Variants in WDR27 observed in about 807,000 individuals in gnomAD.
WDR27 encodes the protein WD repeat-containing protein 27.
A neutral mutation model predicts 114.4 loss-of-function variants in WDR27; 100 were observed. That is an observed-to-expected ratio of 0.87 (90% CI 0.74 to 1.03). WDR27 has a LOEUF of 1.03. Among genes scored for constraint, WDR27 ranks in the 50% least tolerant of loss-of-function variants. The pLI, the probability that WDR27 is intolerant of heterozygous loss-of-function variation, is 0.00. For synonymous variants in WDR27, 449 were observed against 423.1 expected, an observed-to-expected ratio of 1.06 and a Z score of -0.75; for missense variants, 1,129 against 1,092.9, an observed-to-expected ratio of 1.03 and a Z score of -0.47.
chr6:169,576,333 T>C (rs1802332438), intron 24 of WDR27, among the ~76,000 whole-genome samples: 1 of 152,222 alleles, frequency 6.6e-6, no homozygotes, highest in South Asian at 2.1e-4. Flanking sequence ...ACTTCACCAG[T>C]CGGCCATGCT....
chr6:169,443,090 A>G, the WDR27 span, among the ~76,000 whole-genome samples: 1 of 152,230 alleles, frequency 6.6e-6, no homozygotes, highest in African/African-American at 2.4e-5. Context: ...ACATGCAAGG[A>G]AAGTGGGCTG....
chr6:169,562,641 C>T (rs994070047), intron 25 of WDR27, among the ~76,000 whole-genome samples: 2 of 152,004 alleles, frequency 1.3e-5, no homozygotes, highest in African/African-American at 2.4e-5. Flanking sequence ...GTGAGTGCCC[C>T]GGGCACAGGA....
intron 22 of WDR27, 30 bp downstream of exon 22, chr6:169,613,529 C>T (rs939376461): frequency 5.1e-6 from 8 of 1,573,386 alleles, no homozygotes; most frequent in Non-Finnish European, 7.0e-6. Flanking sequence ...GCTCCCCACC[C>T]CTGCAGTGCA....
chr6:169,663,412 G>C (rs1826896166), intron 8 of WDR27, among the ~76,000 whole-genome samples: 1 of 152,146 alleles, frequency 6.6e-6, no homozygotes, highest in Non-Finnish European at 1.5e-5. Flanking sequence ...AGAGAGTGTA[G>C]GCTGTGAGCC....
At chr6:169,446,210 G>T in the WDR27 span, among the ~76,000 whole-genome samples, 1 of 152,232 alleles carries the variant, frequency 6.6e-6, no homozygotes, top group Non-Finnish European at 1.5e-5. Context: ...GGGAAATCAT[G>T]ACCCACAGGC....
chr6:169,438,872 T>C, the WDR27 span, among the ~76,000 whole-genome samples: 82,942 of 152,068 alleles, frequency 0.55, 24,383 homozygotes, highest in East Asian at 0.95. Context: ...TCATCTCTAG[T>C]ACAGGTCTAA....
chr6:169,597,902 A>ACACACACACACG (rs1807153010), intron 23 of WDR27, among the ~76,000 whole-genome samples: 1 of 151,782 alleles, frequency 6.6e-6, no homozygotes, highest in Non-Finnish European at 1.5e-5. Flanking sequence ...ACACACACAC[A>ACACACACACACG]CACACACACA....
At chr6:169,505,412 T>C (rs1791873465) in intron 25 of WDR27, among the ~76,000 whole-genome samples, 1 of 152,204 alleles carries the variant, frequency 6.6e-6, no homozygotes, top group Non-Finnish European at 1.5e-5. Flanking sequence ...GATAGGCACA[T>C]GCACCATTTC....
At chr6:169,457,994 A>T in intron 25 of WDR27, among the ~76,000 whole-genome samples, 1 of 151,060 alleles carries the variant, frequency 6.6e-6, no homozygotes, top group East Asian at 1.9e-4. Context: ...GAGGAGGAGG[A>T]GGAGGAGGAG....
intron 9 of WDR27, among the ~76,000 whole-genome samples, chr6:169,661,263 C>T (rs1826015058): frequency 6.6e-6 from 1 of 152,234 alleles, no homozygotes; most frequent in Non-Finnish European, 1.5e-5. Flanking sequence ...AAGGCCACTG[C>T]TCAGGTAGCC....
Position 169,579,395 on chromosome 6 carries a change from C to T in WDR27, c.2523+3441G>A, listed in dbSNP as rs189289919. Among the ~76,000 whole-genome samples, 119 of 152,236 alleles carry T rather than the reference C, an allele frequency of 7.8e-4. 1 individual carries two copies. The highest frequency in any genetic ancestry group is 5.4e-4 in the Non-Finnish European group (37 of 68,008). The stretch of plus-strand genomic sequence containing the variant: ...ATTTATAGAGAGTGAGAAAGAACTA[C>T]CAAGTACCCATCAGAAATGAGAAAT... On this transcript the variant is annotated intron_variant, in intron 24 of 25. Transcript: ENST00000448612.
At chr6:169,437,469 A>G in the WDR27 span, among the ~76,000 whole-genome samples, 1 of 152,098 alleles carries the variant, frequency 6.6e-6, no homozygotes, top group African/African-American at 2.4e-5. Flanking sequence ...CTTATTTTAC[A>G]GTTTCTACCT....
intron 7 of WDR27, 30 bp from the exon 8 acceptor site, chr6:169,664,316 C>T (rs371684184): frequency 1.2e-5 from 20 of 1,613,064 alleles, no homozygotes; most frequent in South Asian, 4.4e-5. Flanking sequence ...GCAGACATGG[C>T]GCTGCAGCAA....
intron 25 of WDR27, among the ~76,000 whole-genome samples, chr6:169,510,748 T>C (rs1792723769): frequency 6.6e-6 from 1 of 152,032 alleles, no homozygotes; most frequent in Non-Finnish European, 1.5e-5. Context: ...AACCTGCACG[T>C]TGTGCACATG....
chr6:169,625,343 A>G (rs961099164), intron 21 of WDR27, among the ~76,000 whole-genome samples: 2 of 152,344 alleles, frequency 1.3e-5, no homozygotes, highest in South Asian at 2.1e-4. Context: ...TTCCGACTGC[A>G]CTGATGAGCC....
intron 25 of WDR27, among the ~76,000 whole-genome samples, chr6:169,561,689 C>A (rs368404472): frequency 5.9e-5 from 9 of 151,886 alleles, no homozygotes; most frequent in East Asian, 3.9e-4. Flanking sequence ...AATGAATAAG[C>A]AAGACAGAGT....
At chr6:169,560,865 G>T (rs1799583964) in intron 25 of WDR27, among the ~76,000 whole-genome samples, 2 of 152,160 alleles carry the variant, frequency 1.3e-5, no homozygotes, top group African/African-American at 2.4e-5. Flanking sequence ...TTAAGGGACA[G>T]AAAGATCGTA....
In WDR27 at chr6:169,674,435, AT is replaced by A. The variant is rs1227626305; in HGVS notation, c.190-2040del. 2.0e-5 allele frequency among the ~76,000 whole-genome samples: 3 copies of A among 152,338 alleles called. No homozygotes were observed. In the East Asian group the frequency reaches 5.8e-4, roughly 29 times the overall value. ...GAGATGAAAACTAGAATAAGATAAAATTTTAAAAAACACTTAGTGGGATTAA... is the reference window on the plus strand; with the variant it reads ...GAGATGAAAACTAGAATAAGATAAAATTTAAAAAACACTTAGTGGGATTAA... On this transcript the variant is annotated intron_variant, in intron 2 of 25. Coordinates refer to ENST00000448612, the MANE Select transcript of WDR27 (RefSeq NM_182552.5).
At chr6:169,644,731 C>CTAGTTCGCA (rs1286409216) in intron 16 of WDR27, among the ~76,000 whole-genome samples, 54 of 119,838 alleles carry the variant, frequency 4.5e-4, no homozygotes, top group African/African-American at 9.9e-4. Flanking sequence ...AATCCTAGGC[C>CTAGTTCGCA]GGGCGCGGTG....
Sources: allele counts gnomAD v4.1 joint callset (sites outside exome capture counted in the v4.1 genomes callset), GRCh38; gene constraint gnomAD v4.1.1; transcripts MANE v1.5; gene names NCBI Gene and HGNC (gene_info 2026-07-23, HGNC 2026-07-21).